The following AP3B1 variants were observed in gnomAD, a reference collection of about 807,000 sequenced individuals.
The protein encoded by AP3B1 is adaptor related protein complex 3 subunit beta 1.
Under a neutral mutation model 132.5 loss-of-function variants are expected in AP3B1, and 61 were observed. The ratio of observed to expected loss-of-function variants is 0.46; its 90% CI spans 0.37 to 0.57. The LOEUF (loss-of-function observed/expected upper bound fraction) is 0.57, where lower values mean the gene tolerates loss of function less well. AP3B1 is among the 20% of genes least tolerant of loss of function. AP3B1 has a pLI of 0.00. For synonymous variants in AP3B1, 388 were observed against 438.3 expected, an observed-to-expected ratio of 0.89 and a Z score of 1.43; for missense variants, 1,120 against 1,289.4, an observed-to-expected ratio of 0.87 and a Z score of 2.01.
chr5:78,049,559 A>G (rs1313767609), intron 22 of AP3B1, among the ~76,000 whole-genome samples: 1 of 152,210 alleles, frequency 6.6e-6, no homozygotes, highest in Non-Finnish European at 1.5e-5. Context: ...GTAGGCTAGA[A>G]GAACACAAAA....
chr5:78,002,788 G>T lies in AP3B1; in HGVS notation c.*114C>A. On this transcript the variant is annotated 3_prime_UTR_variant, in exon 27 of 27. Transcript: ENST00000255194. ...AGCAGGAGACAAGAATGTCAAGAGT[G>T]TATTCTACCCCCACTGCCAGATGGA... The T allele has an allele frequency of 8.6e-7, 1 of 1,161,494 alleles. No homozygotes were observed. Among genetic ancestry groups the T allele is most frequent in the Non-Finnish European group, 1.3e-6 (1 of 768,194 alleles). The allele number at this position is 1,161,494 out of a possible 1,614,324, so 71.9% of individuals were successfully genotyped here.
At chr5:78,054,418 AT>A (rs1025574146) in intron 22 of AP3B1, among the ~76,000 whole-genome samples, 5 of 152,344 alleles carry the variant, frequency 3.3e-5, no homozygotes, top group African/African-American at 1.2e-4. Flanking sequence ...AATGGGCCCC[AT>A]AAGAGGAAGG....
intron 1 of AP3B1, among the ~76,000 whole-genome samples, chr5:78,277,885 C>T (rs191458595): frequency 7.2e-5 from 11 of 152,176 alleles, no homozygotes; most frequent in East Asian, 5.8e-4. Flanking sequence ...CATTCATATG[C>T]GTATTAAAAG....
At chr5:78,157,092 G>T (rs924042570) in intron 13 of AP3B1, among the ~76,000 whole-genome samples, 1 of 152,090 alleles carries the variant, frequency 6.6e-6, no homozygotes, top group Admixed American at 6.5e-5. Context: ...TGGGGGGAGG[G>T]CGGGGATATT....
At chr5:78,157,430 G>A (rs1241311430) in intron 13 of AP3B1, among the ~76,000 whole-genome samples, 1 of 152,154 alleles carries the variant, frequency 6.6e-6, no homozygotes, top group Non-Finnish European at 1.5e-5. Flanking sequence ...ACTACTACTG[G>A]AGGTGGATAG....
chr5:78,029,873 A>C (rs2112083667), intron 24 of AP3B1, among the ~76,000 whole-genome samples: 1 of 152,080 alleles, frequency 6.6e-6, no homozygotes, highest in Admixed American at 6.6e-5. Context: ...TCACATTTCT[A>C]TTATTTTAGT....
chr5:78,066,591 A>T (rs1749300366), intron 22 of AP3B1, among the ~76,000 whole-genome samples: 1 of 152,230 alleles, frequency 6.6e-6, no homozygotes, highest in South Asian at 2.1e-4. Context: ...ATCTTGCTGA[A>T]ATAAGACAGG....
chr5:78,065,699 T>C (rs923458546), intron 22 of AP3B1, among the ~76,000 whole-genome samples: 2 of 152,284 alleles, frequency 1.3e-5, no homozygotes, highest in East Asian at 1.9e-4. Context: ...AGGGCAGCCA[T>C]GGTCTTGGTG....
intron 7 of AP3B1, among the ~76,000 whole-genome samples, chr5:78,198,590 G>A (rs1046279915): frequency 6.6e-6 from 1 of 152,062 alleles, no homozygotes; most frequent in Non-Finnish European, 1.5e-5. Flanking sequence ...AGTAACCTGA[G>A]GCATTGCCTT....
At chr5:78,072,189 C>G (rs252743) in intron 22 of AP3B1, among the ~76,000 whole-genome samples, 25,789 of 152,166 alleles carry the variant, frequency 0.17, 2,808 homozygotes, top group Admixed American at 0.33. Context: ...CTTGTTTAAT[C>G]TAATCTTTTA....
intron 24 of AP3B1, among the ~76,000 whole-genome samples, chr5:78,027,304 A>G (rs985883602): frequency 6.6e-6 from 1 of 152,074 alleles, no homozygotes. Context: ...TTTCCAAATA[A>G]TGGTCCTCAC....
chr5:78,022,280 G>A (rs1395526649), intron 24 of AP3B1, among the ~76,000 whole-genome samples: 2 of 152,068 alleles, frequency 1.3e-5, no homozygotes, highest in African/African-American at 2.4e-5. Context: ...CAAGTCTAGC[G>A]GGAGGGAAAG....
At chr5:78,216,750 T>G (rs1020700615) in intron 6 of AP3B1, among the ~76,000 whole-genome samples, 1 of 152,162 alleles carries the variant, frequency 6.6e-6, no homozygotes, top group Admixed American at 6.6e-5. Context: ...CATATACATC[T>G]TAATCCACCG....
At chr5:78,212,105 C>T (rs1745763812) in intron 7 of AP3B1, among the ~76,000 whole-genome samples, 2 of 152,294 alleles carry the variant, frequency 1.3e-5, no homozygotes, top group South Asian at 4.1e-4. Flanking sequence ...CATGCCGAAA[C>T]CCCATCTCTA....
chr5:78,206,836 A>G (rs1003760545), intron 7 of AP3B1, among the ~76,000 whole-genome samples: 1 of 152,148 alleles, frequency 6.6e-6, no homozygotes, highest in Admixed American at 6.5e-5. Context: ...AAAGACAAAA[A>G]TGTGGCCTAG....
chr5:78,098,232 A>C (rs2112227729), intron 21 of AP3B1, among the ~76,000 whole-genome samples: 1 of 151,696 alleles, frequency 6.6e-6, no homozygotes, highest in East Asian at 1.9e-4. Context: ...TTGTCCTATG[A>C]CCCTGCCAAA....
At chr5:78,292,966 C>T (rs956054387) in intron 1 of AP3B1, among the ~76,000 whole-genome samples, 13 of 152,084 alleles carry the variant, frequency 8.5e-5, no homozygotes, top group African/African-American at 3.1e-4. Context: ...GCAGCTTCCG[C>T]CTCCCGGGTT....
chr5:78,240,307 G>C (rs941814541), intron 3 of AP3B1, among the ~76,000 whole-genome samples: 5 of 152,180 alleles, frequency 3.3e-5, no homozygotes, highest in Admixed American at 1.3e-4. Context: ...CAATTAACCA[G>C]GGTGGAGAGG....
chr5:78,142,589 A>G (rs1753200794), intron 14 of AP3B1, among the ~76,000 whole-genome samples: 1 of 152,026 alleles, frequency 6.6e-6, no homozygotes, highest in African/African-American at 2.4e-5. Context: ...AATATCTACC[A>G]TTGCAAAATC....
Sources: gnomAD v4.1 joint callset for allele counts (sites outside exome capture counted in the v4.1 genomes callset) on GRCh38, gnomAD v4.1.1 for gene constraint, MANE v1.5 for transcripts, NCBI Gene and HGNC (gene_info 2026-07-23, HGNC 2026-07-21) for gene names.